The following EHMT1 variants were observed in gnomAD, a reference collection of about 807,000 sequenced individuals.
The protein encoded by EHMT1 is euchromatic histone lysine methyltransferase 1.
Under a neutral mutation model 147.2 loss-of-function variants are expected in EHMT1, and 15 were observed. The ratio of observed to expected loss-of-function variants is 0.10; its 90% CI spans 0.07 to 0.16. The LOEUF is 0.16. EHMT1 is among the 10% of genes least tolerant of loss of function. The probability of loss-of-function intolerance (pLI) is 1.00; values close to 1 mark genes in which losing one functional copy is unlikely to be tolerated. For synonymous variants in EHMT1, 795 were observed against 709.6 expected (o/e 1.12, Z -1.91); for missense variants, 1,587 against 1,772.4 (o/e 0.90, Z 1.88).
intron 19 of EHMT1, among the ~76,000 whole-genome samples, chr9:137,812,635 G>A (rs1190382119): frequency 6.6e-6 from 1 of 152,272 alleles, no homozygotes; most frequent in East Asian, 1.9e-4. Flanking sequence ...GTGGAACTGA[G>A]GACTGCTCAC....
intron 4 of EHMT1, 35 bp from the exon 5 acceptor site, chr9:137,743,332 CCTTT>C: frequency 6.5e-7 from 1 of 1,542,482 alleles, no homozygotes; most frequent in South Asian, 1.2e-5. Flanking sequence ...TGTTTCTTTT[CCTTT>C]CTTGTCCCCT....
At chr9:137,762,853 C>A (rs773000043) in intron 10 of EHMT1, 33 bp downstream of exon 10, 2 of 1,612,780 alleles carry the variant, frequency 1.2e-6, no homozygotes, top group African/African-American at 1.3e-5. Flanking sequence ...AAAGCAGCCA[C>A]GAGGAGTGAG....
intron 4 of EHMT1, 180 bp downstream of exon 4, chr9:137,728,709 C>T (rs1206314022): frequency 5.5e-6 from 4 of 727,962 alleles, no homozygotes; most frequent in African/African-American, 5.2e-5. Context: ...GACCTCTGCT[C>T]TAAGCCTTGT....
intron 1 of EHMT1, among the ~76,000 whole-genome samples, chr9:137,666,372 A>G (rs1939647399): frequency 6.6e-6 from 1 of 152,232 alleles, no homozygotes; most frequent in Non-Finnish European, 1.5e-5. Context: ...CCTTGTTTGA[A>G]CATTTATAAA....
intron 1 of EHMT1, among the ~76,000 whole-genome samples, chr9:137,684,554 T>G (rs1216268398): frequency 6.6e-6 from 1 of 152,130 alleles, no homozygotes; most frequent in African/African-American, 2.4e-5. Flanking sequence ...TGCAGTGGTG[T>G]GATCTTGGCT....
intron 1 of EHMT1, 102 bp downstream of exon 1, chr9:137,619,151 G>A (rs1842783570): frequency 7.7e-6 from 2 of 260,746 alleles, no homozygotes; most frequent in Non-Finnish European, 1.2e-5. Context: ...GCGGCCGGCG[G>A]GCGGGCGGGG....
chr9:137,815,977 G>A lies in EHMT1; in HGVS notation c.3289G>A (p.Ala1097Thr), dbSNP rs1588868922. 1 of 1,611,216 alleles carries A rather than the reference G, an allele frequency of 6.2e-7. No individual in the cohort carries two copies. Among genetic ancestry groups the A allele is most frequent in the Non-Finnish European group, 8.5e-7 (1 of 1,178,694 alleles). The change falls in exon 23 of 27, where the codon GCG becomes ACG. Residue 1097 changes from alanine to threonine, a missense_variant. By Grantham distance (58) the Ala-to-Thr change is moderately conservative. Around this residue, in one of 7 missense-constraint regions of EHMT1, gnomAD observed 156 missense variants for 252.5 expected, o/e 0.62. Coordinates refer to ENST00000460843, the MANE Select transcript of EHMT1 (RefSeq NM_024757.5). Reference sequence around the variant, plus strand: ...CCGGCTCCTGCCAGAGTTCAACATGGCGGAGCCTCCCTTGATCTTCGAATG... The same window carrying A: ...CCGGCTCCTGCCAGAGTTCAACATGACGGAGCCTCCCTTGATCTTCGAATG... ...DGRLLPEFNM[A>T]EPPLIFECNH...
intron 18 of EHMT1, among the ~76,000 whole-genome samples, chr9:137,801,249 C>T (rs904773110): frequency 6.6e-6 from 1 of 152,182 alleles, no homozygotes; most frequent in Non-Finnish European, 1.5e-5. Context: ...TGCTGCCTCA[C>T]GGGGCTGTGC....
At chr9:137,681,302 G>C (rs1346244531) in intron 1 of EHMT1, among the ~76,000 whole-genome samples, 1 of 152,082 alleles carries the variant, frequency 6.6e-6, no homozygotes, top group Non-Finnish European at 1.5e-5. Context: ...AAGTGTGCAG[G>C]GGTTACTTTG....
chr9:137,739,288 G>A (rs1293466529), intron 4 of EHMT1, among the ~76,000 whole-genome samples: 5 of 151,570 alleles, frequency 3.3e-5, no homozygotes, highest in Non-Finnish European at 4.4e-5. Flanking sequence ...CCCAGGAGGC[G>A]GAGCTTGCAG....
intron 18 of EHMT1, chr9:137,802,379 T>C (rs1420822355): frequency 2.5e-6 from 1 of 398,414 alleles, no homozygotes; most frequent in Non-Finnish European, 4.4e-6. Flanking sequence ...GGAGGTGCTG[T>C]AGCCCACAGA....
At chr9:137,709,679 T>C (rs1944531283) in intron 1 of EHMT1, among the ~76,000 whole-genome samples, 1 of 152,168 alleles carries the variant, frequency 6.6e-6, no homozygotes, top group Admixed American at 6.5e-5. Flanking sequence ...TTCTTACCTG[T>C]TGATAGTCAA....
intron 16 of EHMT1, 73 bp downstream of exon 16, chr9:137,791,043 C>A (rs1438612215): frequency 1.2e-6 from 2 of 1,612,586 alleles, no homozygotes; most frequent in African/African-American, 1.3e-5. Flanking sequence ...CAAGGGACAT[C>A]CTTACTGACA....
chr9:137,828,646 C>T lies in EHMT1; in HGVS notation c.3541-5703C>T, dbSNP rs1318441876. On this transcript the variant is annotated intron_variant, in intron 25 of 26. Coordinates refer to ENST00000460843, the MANE Select transcript of EHMT1 (RefSeq NM_024757.5). This position sits in a 1 kb window ranked among gnomAD's most constrained non-coding sequence, Gnocchi z 5.3. Reference sequence around the variant, plus strand: ...GATCCCACACTCACGGCCCAAGTGACGCTTGGTGCAGAGCTGGAAGGTTCT... The same window carrying T: ...GATCCCACACTCACGGCCCAAGTGATGCTTGGTGCAGAGCTGGAAGGTTCT... 4.6e-5 allele frequency among the ~76,000 whole-genome samples: 7 copies of T among 152,148 alleles called. No individual in the cohort carries two copies. The highest frequency in any genetic ancestry group is 1.9e-4 in the East Asian group (1 of 5,190).
At chr9:137,723,782 C>T (rs927512486) in intron 3 of EHMT1, among the ~76,000 whole-genome samples, 1 of 152,224 alleles carries the variant, frequency 6.6e-6, no homozygotes, top group African/African-American at 2.4e-5. Flanking sequence ...ACGAATGTTG[C>T]AGGCTTTAAT....
intron 25 of EHMT1, chr9:137,823,481 G>A (rs918679024): frequency 2.9e-6 from 1 of 343,206 alleles, no homozygotes; most frequent in Non-Finnish European, 5.6e-6. Context: ...ACACAATCTC[G>A]GCTCACTGCA....
Position 137,669,558 on chromosome 9 carries a change from G to A in EHMT1, c.22-41409G>A, listed in dbSNP as rs931961339. 3.4e-4 allele frequency among the ~76,000 whole-genome samples: 52 copies of A among 151,204 alleles called. 1 individual carries two copies. Among genetic ancestry groups the A allele is most frequent in the African/African-American group, 1.1e-3 (46 of 41,136 alleles). ...CCTCCCAAGACGCCCCGCACAGCAC[G>A]TGCACTCACCGACTCCACCCACTGT... On this transcript the variant is annotated intron_variant, in intron 1 of 26. Coordinates refer to ENST00000460843, the MANE Select transcript of EHMT1 (RefSeq NM_024757.5).
chr9:137,803,198 C>T, intron 18 of EHMT1: 9 of 1,191,198 alleles, frequency 7.6e-6, no homozygotes, highest in Non-Finnish European at 9.3e-6. Context: ...GTTATTTATA[C>T]AATGAAACAC....
chr9:137,692,587 ACTTTTT>A (rs1052156864), intron 1 of EHMT1, among the ~76,000 whole-genome samples: 10 of 152,212 alleles, frequency 6.6e-5, no homozygotes, highest in African/African-American at 2.2e-4. Context: ...TTTTCCATCA[ACTTTTT>A]CTTTTTACTT....
Sources: gnomAD v4.1 joint callset for allele counts (sites outside exome capture counted in the v4.1 genomes callset) on GRCh38, gnomAD v4.1.1 for gene constraint, gnomAD v4.1.1 regional missense constraint, Gnocchi (gnomAD v3.1) non-coding constraint, MANE v1.5 for transcripts, NCBI Gene and HGNC (gene_info 2026-07-23, HGNC 2026-07-21) for gene names.